Variants in DAAM1 observed in about 807,000 individuals in gnomAD.
DAAM1 encodes the protein dishevelled associated activator of morphogenesis 1.
DAAM1 carries 52 observed loss-of-function variants against 130.0 expected under a neutral mutation model. That is an observed-to-expected ratio of 0.40 (90% CI 0.32 to 0.50). The LOEUF (loss-of-function observed/expected upper bound fraction) is 0.50, where lower values mean the gene tolerates loss of function less well. Among genes scored for constraint, DAAM1 ranks in the 20% least tolerant of loss-of-function variants. The pLI, the probability that DAAM1 is intolerant of heterozygous loss-of-function variation, is 0.61. For missense variants in DAAM1, 1,134 were observed against 1,303.8 expected, an observed-to-expected ratio of 0.87 and a Z score of 2.01; for synonymous variants, 452 against 444.5, an observed-to-expected ratio of 1.02 and a Z score of -0.21.
intron 1 of DAAM1, among the ~76,000 whole-genome samples, chr14:59,245,288 T>A (rs917749138): frequency 2.0e-5 from 3 of 152,214 alleles, no homozygotes; most frequent in Non-Finnish European, 4.4e-5. Flanking sequence ...GTGTTTCCAT[T>A]TGGTGCCCTT....
chr14:59,267,665 C>T (rs1882506348), intron 2 of DAAM1, among the ~76,000 whole-genome samples: 1 of 152,122 alleles, frequency 6.6e-6, no homozygotes, highest in African/African-American at 2.4e-5. Flanking sequence ...TAAACCATCA[C>T]TCCTCATTCA....
chr14:59,282,317 C>G (rs1358763691), intron 2 of DAAM1, among the ~76,000 whole-genome samples: 3 of 152,128 alleles, frequency 2.0e-5, no homozygotes, highest in Non-Finnish European at 2.9e-5. Flanking sequence ...CTTTTTGAAC[C>G]CTGTGCCTAT....
chr14:59,244,227 G>A lies in DAAM1; in HGVS notation c.-37-19214G>A, dbSNP rs1881258087. On this transcript the variant is annotated intron_variant, in intron 1 of 24. Coordinates refer to ENST00000360909, the MANE Select transcript of DAAM1 (RefSeq NM_001270520.2). Reference sequence around the variant, plus strand: ...GGCCTCCCCAGCTATGTGGCACTGTGAGTCCACTAAACCTATTTTTTTTTT... The same window carrying A: ...GGCCTCCCCAGCTATGTGGCACTGTAAGTCCACTAAACCTATTTTTTTTTT... 3.4e-5 allele frequency among the ~76,000 whole-genome samples: 5 copies of A among 147,422 alleles called. No individual in the cohort carries two copies. The Admixed American group carries it at 3.4e-4, about 10-fold the overall frequency.
At chr14:59,251,920 A>G (rs896199144) in intron 1 of DAAM1, among the ~76,000 whole-genome samples, 2 of 152,148 alleles carry the variant, frequency 1.3e-5, no homozygotes, top group Non-Finnish European at 1.5e-5. Context: ...GCATTAAGAA[A>G]AGCTGGAGCC....
rs761753130 is a variant in DAAM1, at chr14:59,323,230, G to A, written c.774+5G>A. On this transcript the variant is annotated splice_donor_5th_base_variant and intron_variant, in intron 6 of 24. Transcript: ENST00000360909. ...AGCGAAAGGACCCGCTTTCAGGTGG[G>A]TGTTCGCTCAGCCTTCTTCACTCAC... The A allele has an allele frequency of 5.7e-6, 9 of 1,591,932 alleles. No homozygotes were observed. The South Asian group carries it at 1.0e-4, about 18-fold the overall frequency.
intron 3 of DAAM1, among the ~76,000 whole-genome samples, chr14:59,314,224 A>G (rs1434257450): frequency 1.3e-5 from 2 of 152,226 alleles, no homozygotes; most frequent in Non-Finnish European, 2.9e-5. Flanking sequence ...CCTAGTAGGT[A>G]GTCACTGCTT....
At chr14:59,321,578 G>T (rs973913477) in intron 5 of DAAM1, among the ~76,000 whole-genome samples, 6 of 152,162 alleles carry the variant, frequency 3.9e-5, no homozygotes, top group African/African-American at 1.4e-4. Context: ...TCTAGGATTT[G>T]CTGAGATGCT....
intron 15 of DAAM1, among the ~76,000 whole-genome samples, chr14:59,336,426 TTCTC>T (rs1424630613): frequency 6.6e-6 from 1 of 150,528 alleles, no homozygotes; most frequent in Non-Finnish European, 1.5e-5. Context: ...CTTTTGTTAC[TTCTC>T]TCTGATTTTT....
chr14:59,302,866 C>T (rs531780894), intron 3 of DAAM1, among the ~76,000 whole-genome samples: 2 of 152,212 alleles, frequency 1.3e-5, no homozygotes, highest in African/African-American at 4.8e-5. Context: ...GTTGGTCAGG[C>T]TGGTCTCGAA....
chr14:59,362,362 C>T (rs1234516334), intron 22 of DAAM1: 3 of 152,064 alleles, frequency 2.0e-5, no homozygotes, highest in Non-Finnish European at 4.4e-5. Context: ...CAGAGCTTCG[C>T]CTGGCCAAAT....
At chr14:59,314,046 T>G (rs1472326039) in intron 3 of DAAM1, among the ~76,000 whole-genome samples, 2 of 152,246 alleles carry the variant, frequency 1.3e-5, no homozygotes, top group African/African-American at 4.8e-5. Flanking sequence ...GAAATTGCAT[T>G]TCTTTTATTC....
intron 15 of DAAM1, among the ~76,000 whole-genome samples, chr14:59,337,217 A>G (rs1885662141): frequency 6.6e-6 from 1 of 152,216 alleles, no homozygotes; most frequent in Admixed American, 6.5e-5. Flanking sequence ...TGCCCTTGAA[A>G]GGAAACTGCT....
At chr14:59,230,507 G>A (rs1889073120) in intron 1 of DAAM1, among the ~76,000 whole-genome samples, 1 of 152,088 alleles carries the variant, frequency 6.6e-6, no homozygotes, top group South Asian at 2.1e-4. Flanking sequence ...TTCATTGCAA[G>A]TTCTCTCTTA....
intron 4 of DAAM1, among the ~76,000 whole-genome samples, chr14:59,316,458 T>A (rs1054475601): frequency 2.6e-5 from 4 of 152,202 alleles, no homozygotes; most frequent in Admixed American, 2.6e-4. Flanking sequence ...TCTGTTGTCA[T>A]ACAATGAATA....
intron 1 of DAAM1, among the ~76,000 whole-genome samples, chr14:59,197,078 G>T (rs921421730): frequency 9.2e-5 from 14 of 152,192 alleles, no homozygotes; most frequent in Non-Finnish European, 1.9e-4. Context: ...CTGCCACCAC[G>T]CCTGGCTAGT....
At chr14:59,256,466 G>T (rs1197212235) in intron 1 of DAAM1, among the ~76,000 whole-genome samples, 1 of 152,212 alleles carries the variant, frequency 6.6e-6, no homozygotes, top group South Asian at 2.1e-4. Context: ...AAATGCACCT[G>T]CTCCAGAATC....
At chr14:59,255,355 G>A (rs921811209) in intron 1 of DAAM1, among the ~76,000 whole-genome samples, 2 of 152,038 alleles carry the variant, frequency 1.3e-5, no homozygotes, top group Admixed American at 6.6e-5. Context: ...CCTTTCAGAC[G>A]TTTCTCCTAT....
intron 1 of DAAM1, among the ~76,000 whole-genome samples, chr14:59,223,414 C>A (rs1452022480): frequency 6.6e-6 from 1 of 152,162 alleles, no homozygotes; most frequent in Admixed American, 6.5e-5. Context: ...GGAGGGTAGC[C>A]ATCTGTAGGT....
chr14:59,254,448 C>T (rs1306420181), intron 1 of DAAM1, among the ~76,000 whole-genome samples: 1 of 152,140 alleles, frequency 6.6e-6, no homozygotes, highest in Non-Finnish European at 1.5e-5. Context: ...TTAAATTTGT[C>T]TTTGTACGGT....
Sources: allele counts gnomAD v4.1 joint callset (sites outside exome capture counted in the v4.1 genomes callset), GRCh38; gene constraint gnomAD v4.1.1; transcripts MANE v1.5; gene names NCBI Gene and HGNC (gene_info 2026-07-23, HGNC 2026-07-21).